The following SNTG2 variants were observed in gnomAD, a reference collection of about 807,000 sequenced individuals.
The protein encoded by SNTG2 is syntrophin gamma 2.
In SNTG2, 74 loss-of-function variants were observed where a neutral mutation model predicts 70.9. That is an observed-to-expected ratio of 1.04 (90% CI 0.86 to 1.27). SNTG2 has a LOEUF of 1.27. Ranked by LOEUF, SNTG2 falls within the 50% of genes most tolerant of loss-of-function variation. The pLI is 0.00. For synonymous variants in SNTG2, 278 were observed against 273.8 expected (o/e 1.02, Z -0.15); for missense variants, 717 against 690.7 (o/e 1.04, Z -0.43).
At chr2:1,208,455 T>C (rs994652679) in intron 8 of SNTG2, among the ~76,000 whole-genome samples, 5 of 152,010 alleles carry the variant, frequency 3.3e-5, no homozygotes, top group Admixed American at 2.0e-4. Flanking sequence ...GAACGTGGAA[T>C]GGGAGGTGGG....
At chr2:1,219,526 A>G (rs1352541508) in intron 9 of SNTG2, among the ~76,000 whole-genome samples, 1 of 152,220 alleles carries the variant, frequency 6.6e-6, no homozygotes, top group Non-Finnish European at 1.5e-5. Flanking sequence ...AACTCTTTAC[A>G]GGAGGAACTG....
At chr2:1,151,707 G>A (rs1046087791) in intron 6 of SNTG2, among the ~76,000 whole-genome samples, 6 of 152,112 alleles carry the variant, frequency 3.9e-5, no homozygotes, top group East Asian at 1.9e-4. Context: ...CCCTTTGCCC[G>A]TGCGTGCCGT....
At chr2:996,317 T>C (rs1358314914) in intron 1 of SNTG2, among the ~76,000 whole-genome samples, 1 of 152,224 alleles carries the variant, frequency 6.6e-6, no homozygotes, top group Non-Finnish European at 1.5e-5. Flanking sequence ...AGCTCAGAAG[T>C]GAGCAACTTC....
intron 14 of SNTG2, among the ~76,000 whole-genome samples, chr2:1,302,787 T>C (rs1680514133): frequency 6.6e-6 from 1 of 152,032 alleles, no homozygotes; most frequent in African/African-American, 2.4e-5. Context: ...TGAAAGTAAA[T>C]GAGTAAAAAG....
In SNTG2 at chr2:1,260,668, A is replaced by C. The variant is rs577718056; in HGVS notation, c.1077+1227A>C. 2.0e-5 allele frequency among the ~76,000 whole-genome samples: 3 copies of C among 152,320 alleles called. No homozygotes were observed. The South Asian group carries it at 6.2e-4, about 32-fold the overall frequency. ...TAAAAATTATTCTGTTTTCGAAATT[A>C]TCTGTGACAGGAATGCATTATTTTG... On this transcript the variant is annotated intron_variant, in intron 13 of 16. Transcript: ENST00000308624.
chr2:1,335,802 T>C (rs1266059987), intron 16 of SNTG2, among the ~76,000 whole-genome samples: 1 of 152,038 alleles, frequency 6.6e-6, no homozygotes. Flanking sequence ...ATGTTCACAC[T>C]GGGAGAACTG....
chr2:1,062,994 G>C (rs1449019588), intron 1 of SNTG2, among the ~76,000 whole-genome samples: 3 of 152,100 alleles, frequency 2.0e-5, no homozygotes, highest in Non-Finnish European at 2.9e-5. Flanking sequence ...ATAACAAATA[G>C]ACATTTCTAC....
intron 1 of SNTG2, among the ~76,000 whole-genome samples, chr2:984,515 A>G (rs199795216): frequency 6.6e-6 from 1 of 151,840 alleles, no homozygotes; most frequent in Non-Finnish European, 1.5e-5. Flanking sequence ...AATGCCATCT[A>G]CCCTCTCCCA....
At position 1,222,464 on chromosome 2, in the gene SNTG2, G is replaced by A. The variant is rs115262892; in HGVS notation, c.719+13234G>A. On this transcript the variant is annotated intron_variant, in intron 9 of 16. Coordinates refer to ENST00000308624, the MANE Select transcript of SNTG2 (RefSeq NM_018968.4). ...AACAGGAGGGGCTTCTTAAGCTGGA[G>A]GTGCTGGATCGCTGTAGAGGAAAGT... Among the ~76,000 whole-genome samples the A allele has an allele frequency of 4.4e-3, 623 of 142,256 alleles. 7 individuals are homozygous for A. The highest frequency in any genetic ancestry group is 0.015 in the African/African-American group (547 of 36,584). 93.3% of individuals were successfully genotyped at this position (142,256 alleles called of 152,430 possible). A position where few individuals can be genotyped will look rare whatever the true frequency, so the allele number is the denominator to read the frequency against.
chr2:1,215,808 G>T lies in SNTG2; in HGVS notation c.719+6578G>T, dbSNP rs182987587. Among the ~76,000 whole-genome samples the T allele has an allele frequency of 8.9e-3, 1,342 of 150,108 alleles. 25 individuals carry two copies. Among genetic ancestry groups the T allele is most frequent in the African/African-American group, 0.031 (1,277 of 40,790 alleles). ...CTATGAGTGAGAACATGCAGTGTTT[G>T]GTTTTTTGTCCTTGTGATAGTTTGC... On this transcript the variant is annotated intron_variant, in intron 9 of 16. Coordinates refer to ENST00000308624, the MANE Select transcript of SNTG2 (RefSeq NM_018968.4).
intron 14 of SNTG2, among the ~76,000 whole-genome samples, chr2:1,287,913 C>T (rs891735935): frequency 1.3e-5 from 2 of 152,108 alleles, no homozygotes; most frequent in African/African-American, 4.8e-5. Context: ...GACCACCTCA[C>T]TCACGCATTC....
At chr2:1,029,923 C>T (rs904943962) in intron 1 of SNTG2, among the ~76,000 whole-genome samples, 2 of 152,190 alleles carry the variant, frequency 1.3e-5, no homozygotes, top group African/African-American at 4.8e-5. Context: ...TCTTACCTTT[C>T]ACATCTTACG....
intron 6 of SNTG2, among the ~76,000 whole-genome samples, chr2:1,147,679 G>GTCACCAA (rs1669190177): frequency 6.6e-6 from 1 of 152,062 alleles, no homozygotes; most frequent in Admixed American, 6.6e-5. Context: ...AAGTATGGGG[G>GTCACCAA]GTAAGAGTCA....
At chr2:1,304,037 C>T (rs922998862) in intron 14 of SNTG2, among the ~76,000 whole-genome samples, 4 of 152,066 alleles carry the variant, frequency 2.6e-5, no homozygotes, top group Admixed American at 2.6e-4. Context: ...AAGAGAACAC[C>T]AATATCTTCT....
At chr2:1,134,359 T>C (rs564595715) in intron 4 of SNTG2, among the ~76,000 whole-genome samples, 1 of 152,084 alleles carries the variant, frequency 6.6e-6, no homozygotes, top group South Asian at 2.1e-4. Flanking sequence ...GAGTGGTCTG[T>C]TTTGACAGGA....
chr2:1,112,686 A>G lies in SNTG2; in HGVS notation c.325+14276A>G, dbSNP rs191969768. Among the ~76,000 whole-genome samples the G allele has an allele frequency of 1.8e-3, 238 of 129,834 alleles. 2 individuals are homozygous for G. The highest frequency in any genetic ancestry group is 2.4e-3 in the Non-Finnish European group (147 of 61,916). 85.2% of individuals were successfully genotyped at this position (129,834 alleles called of 152,430 possible). On this transcript the variant is annotated intron_variant, in intron 4 of 16. Transcript: ENST00000308624. ...CCCTTACAGTCCTTTGAGGAGAATC[A>G]TGTGTACTAAGTGAGGGTTAACCCT...
intron 1 of SNTG2, among the ~76,000 whole-genome samples, chr2:977,618 T>C (rs548647903): frequency 1.3e-5 from 2 of 152,212 alleles, no homozygotes; most frequent in Non-Finnish European, 2.9e-5. Context: ...TGGTCCATCT[T>C]GCCTGTGAGT....
intron 1 of SNTG2, among the ~76,000 whole-genome samples, chr2:1,003,312 T>G (rs73908646): frequency 0.46 from 69,983 of 151,900 alleles, 16,627 homozygotes; most frequent in Middle Eastern, 0.6. Context: ...GATGACAGTG[T>G]ATAGTCAAGA....
intron 1 of SNTG2, among the ~76,000 whole-genome samples, chr2:964,367 A>G (rs1212088374): frequency 6.6e-6 from 1 of 152,158 alleles, no homozygotes; most frequent in Admixed American, 6.6e-5. Flanking sequence ...CCTTCGTGCC[A>G]GGGTTACTGA....
Sources: allele counts gnomAD v4.1 joint callset (sites outside exome capture counted in the v4.1 genomes callset), GRCh38; gene constraint gnomAD v4.1.1; transcripts MANE v1.5; gene names NCBI Gene and HGNC (gene_info 2026-07-23, HGNC 2026-07-21).